Variants in IMPA2 observed in about 807,000 individuals in gnomAD.
IMPA2 encodes inositol monophosphatase 2, also known as IMP 2.
Under a neutral mutation model 35.1 loss-of-function variants are expected in IMPA2, and 32 were observed. The ratio of observed to expected loss-of-function variants is 0.91; its 90% CI spans 0.69 to 1.23. IMPA2 has a LOEUF of 1.23. IMPA2 is among the 50% of genes most tolerant of loss of function. IMPA2 has a pLI of 0.00. For missense variants in IMPA2, 334 were observed against 387.6 expected, an observed-to-expected ratio of 0.86 and a Z score of 1.16; for synonymous variants, 135 against 160.6, an observed-to-expected ratio of 0.84 and a Z score of 1.20.
intron 1 of IMPA2, among the ~76,000 whole-genome samples, chr18:11,989,159 G>A (rs1472939842): frequency 6.6e-6 from 1 of 152,190 alleles, no homozygotes; most frequent in East Asian, 1.9e-4. Context: ...GGGCTTTGCC[G>A]TCGGATGAGC....
intron 5 of IMPA2, among the ~76,000 whole-genome samples, chr18:12,025,377 G>C (rs1327280586): frequency 1.3e-5 from 2 of 152,148 alleles, no homozygotes; most frequent in Admixed American, 6.5e-5. Context: ...CAACTCCTTG[G>C]GTGAACACCA....
At position 11,991,386 on chromosome 18, in the gene IMPA2, GCTC is replaced by G. The variant is rs546676252; in HGVS notation, c.97-7661_97-7659del. Among the ~76,000 whole-genome samples, 22 of 152,242 alleles carry G rather than the reference GCTC, an allele frequency of 1.4e-4. No individual in the cohort carries two copies. The highest frequency in any genetic ancestry group is 6.8e-3 in the Middle Eastern group (2 of 294). ...CTGGGAGCCACGTCTGCTTGGACCAGCTCCTCCTCTTCCTCCCAGGGTTGAGGT... is the reference window on the plus strand; with the variant it reads ...CTGGGAGCCACGTCTGCTTGGACCAGCTCCTCTTCCTCCCAGGGTTGAGGT... On this transcript the variant is annotated intron_variant, in intron 1 of 7. Transcript: ENST00000269159. This position sits in a 1 kb window ranked among gnomAD's most constrained non-coding sequence, Gnocchi z 4.1.
chr18:12,002,391 T>C lies in IMPA2; in HGVS notation c.230+3204T>C, dbSNP rs377550313. On this transcript the variant is annotated intron_variant, in intron 2 of 7. Transcript: ENST00000269159. ...ACCTGATACAGGCTCCCCAGTTTTA[T>C]TATTTTATTTCACTCATCCATGAAA... Among the ~76,000 whole-genome samples, 11 of 152,350 alleles carry C rather than the reference T, an allele frequency of 7.2e-5. No individual in the cohort carries two copies. The East Asian group carries it at 1.9e-3, about 27-fold the overall frequency.
In IMPA2 at chr18:11,997,035, C is replaced by G. The variant is rs556017261; in HGVS notation, c.97-2019C>G. Among the ~76,000 whole-genome samples, 3 of 152,212 alleles carry G rather than the reference C, an allele frequency of 2.0e-5. No homozygotes were observed. In the East Asian group the frequency reaches 5.8e-4, roughly 29 times the overall value. On this transcript the variant is annotated intron_variant, in intron 1 of 7. Coordinates refer to ENST00000269159, the MANE Select transcript of IMPA2 (RefSeq NM_014214.3). ...ACACACAGAGATACACACAGAGACA[C>G]ACACCCTGACTCCCCCCATACCACA...
At chr18:11,982,793 CAAA>C (rs11354219) in intron 1 of IMPA2, among the ~76,000 whole-genome samples, 11,525 of 111,674 alleles carry the variant, frequency 0.1, 705 homozygotes, top group South Asian at 0.33. Context: ...AACTCCGTCT[CAAA>C]AAAAAAAAAA....
chr18:11,982,528 C>T (rs1028909176), intron 1 of IMPA2, among the ~76,000 whole-genome samples: 2 of 152,210 alleles, frequency 1.3e-5, no homozygotes, highest in Admixed American at 6.5e-5. Context: ...GGCGCAGTGG[C>T]TCACGCCTGT....
Position 12,014,317 on chromosome 18 carries a change from G to C in IMPA2, c.434G>C (p.Arg145Pro), listed in dbSNP as rs745582490. ...ACAGAGGAGCGGCTGTACACGGGCCGGCGGGGTCGGGGCGCCTTCTGCAAT... is the reference window on the plus strand; with the variant it reads ...ACAGAGGAGCGGCTGTACACGGGCCCGCGGGGTCGGGGCGCCTTCTGCAAT... ...HCTEERLYTG[R>P]RGRGAFCNGQ... The change falls in exon 5 of 8, where the codon CGG (arginine) becomes CCG (proline). Residue 145 changes from arginine to proline, a missense_variant. By Grantham distance (103) the Arg-to-Pro change is moderately radical (BLOSUM62 -2). Transcript: ENST00000269159. 1 of 1,611,490 alleles carries C rather than the reference G, an allele frequency of 6.2e-7. No homozygotes were observed.
In IMPA2 at chr18:12,010,612, C is replaced by T. The variant is rs1033343811; in HGVS notation, c.335+625C>T. ...TCTACACGCACAGGTGGCTGGGGGC[C>T]TGGGGCACAGAGCATGATGTGGCTT... On this transcript the variant is annotated intron_variant, in intron 3 of 7. Transcript: ENST00000269159. This position sits in a 1 kb window ranked among gnomAD's most constrained non-coding sequence, Gnocchi z 4.8. 1.2e-4 allele frequency among the ~76,000 whole-genome samples: 19 copies of T among 152,158 alleles called. No homozygotes were observed. The highest frequency in any genetic ancestry group is 2.5e-4 in the Non-Finnish European group (17 of 68,020).
chr18:11,992,246 A>T (rs951774499), intron 1 of IMPA2, among the ~76,000 whole-genome samples: 4 of 152,256 alleles, frequency 2.6e-5, no homozygotes, highest in African/African-American at 9.6e-5. Flanking sequence ...TAAATCTGGA[A>T]GCATAAACAT....
intron 2 of IMPA2, among the ~76,000 whole-genome samples, chr18:12,007,651 C>CTT (rs796223143): frequency 3.6e-5 from 4 of 109,658 alleles, no homozygotes; most frequent in African/African-American, 1.5e-4. Flanking sequence ...TTCTTTCTTT[C>CTT]TTTCTTTCTT....
chr18:12,006,232 C>G (rs1056505050), intron 2 of IMPA2, among the ~76,000 whole-genome samples: 2 of 152,216 alleles, frequency 1.3e-5, no homozygotes, highest in African/African-American at 4.8e-5. Context: ...TGTCAGGAGG[C>G]AGCCTCTCCA....
intron 1 of IMPA2, among the ~76,000 whole-genome samples, chr18:11,988,245 A>G (rs1027987941): frequency 1.3e-5 from 2 of 151,796 alleles, no homozygotes; most frequent in East Asian, 3.9e-4. Context: ...ACCTCATGTG[A>G]TCCACCCACC....
At chr18:12,012,299 C>T (rs923550032) in intron 4 of IMPA2, 84 bp downstream of exon 4, 1 of 1,165,388 alleles carries the variant, frequency 8.6e-7, no homozygotes, top group African/African-American at 1.5e-5. Flanking sequence ...CTCTGTGCGC[C>T]TGGTTTGCTG....
intron 2 of IMPA2, among the ~76,000 whole-genome samples, chr18:12,000,805 C>T (rs951303877): frequency 6.6e-6 from 1 of 151,080 alleles, no homozygotes; most frequent in Non-Finnish European, 1.5e-5. Context: ...TTAGTAGAGA[C>T]GGAGTTTCAC....
At chr18:12,030,084 G>A (rs2143832006) in intron 7 of IMPA2, among the ~76,000 whole-genome samples, 1 of 152,350 alleles carries the variant, frequency 6.6e-6, no homozygotes, top group Admixed American at 6.5e-5. Context: ...CATCTCTTAA[G>A]GCAGTGGCAG....
intron 2 of IMPA2, among the ~76,000 whole-genome samples, chr18:12,007,386 G>C (rs936997007): frequency 2.0e-5 from 3 of 152,118 alleles, no homozygotes; most frequent in African/African-American, 7.2e-5. Flanking sequence ...GGCGCTGAGC[G>C]GTCACAGAGG....
At chr18:11,997,333 C>T (rs538586482) in intron 1 of IMPA2, among the ~76,000 whole-genome samples, 22 of 152,308 alleles carry the variant, frequency 1.4e-4, no homozygotes, top group Admixed American at 4.6e-4. Context: ...AAACCCTGGC[C>T]AGAGGCAGGG....
intron 1 of IMPA2, among the ~76,000 whole-genome samples, chr18:11,993,240 G>C (rs1214440227): frequency 6.6e-6 from 1 of 152,188 alleles, no homozygotes; most frequent in Admixed American, 6.5e-5. Flanking sequence ...ATTTAGAGCT[G>C]TCTGATTCTG....
At chr18:12,029,708 A>G (rs1417818976) in intron 7 of IMPA2, among the ~76,000 whole-genome samples, 1 of 152,180 alleles carries the variant, frequency 6.6e-6, no homozygotes, top group African/African-American at 2.4e-5. Context: ...GGCCTGAGCC[A>G]CCATGCCCGG....
Sources: gnomAD v4.1 joint callset for allele counts (sites outside exome capture counted in the v4.1 genomes callset) on GRCh38, gnomAD v4.1.1 for gene constraint, Gnocchi (gnomAD v3.1) non-coding constraint, MANE v1.5 for transcripts, NCBI Gene and HGNC (gene_info 2026-07-23, HGNC 2026-07-21) for gene names.